The following RIN3 variants were observed in gnomAD, a reference collection of about 807,000 sequenced individuals.
The protein encoded by RIN3 is Ras and Rab interactor 3.
In RIN3, 54 loss-of-function variants were observed where a neutral mutation model predicts 76.3. That is an observed-to-expected ratio of 0.71 (90% CI 0.57 to 0.89). The LOEUF (loss-of-function observed/expected upper bound fraction) is 0.89, where lower values mean the gene tolerates loss of function less well. Ranked by LOEUF, RIN3 falls within the 40% of genes least tolerant of loss-of-function variation. The probability of loss-of-function intolerance (pLI) is 0.00; values close to 1 mark genes in which losing one functional copy is unlikely to be tolerated. For missense variants in RIN3, 1,256 were observed against 1,322.1 expected (o/e 0.95, Z 0.78); for synonymous variants, 576 against 564.0 (o/e 1.02, Z -0.30).
At chr14:92,598,043 G>C (rs149572460) in intron 3 of RIN3, among the ~76,000 whole-genome samples, 6 of 152,182 alleles carry the variant, frequency 3.9e-5, no homozygotes, top group African/African-American at 1.2e-4. Flanking sequence ...TTGGATCTGG[G>C]CTAGCCTGTT....
intron 1 of RIN3, among the ~76,000 whole-genome samples, chr14:92,539,187 G>A (rs866302241): frequency 2.0e-5 from 3 of 152,126 alleles, no homozygotes; most frequent in Non-Finnish European, 4.4e-5. Context: ...CTTGGGGTGG[G>A]GGGGATGTCA....
At position 92,608,270 on chromosome 14, in the gene RIN3, AACTGGGTGAAGGGTAC is replaced by A. The variant is rs140511293; in HGVS notation, c.368-7134_368-7119del. 3.5e-3 allele frequency among the ~76,000 whole-genome samples: 538 copies of A among 152,156 alleles called. 14 individuals carry two copies. In the South Asian group the frequency reaches 0.051, roughly 15 times the overall value. ...TATGACCGATGTTACCACTGGGGGG[AACTGGGTGAAGGGTAC>A]ACAGGACTTCCCTATTCATTTATTT... On this transcript the variant is annotated intron_variant, in intron 3 of 9. Transcript: ENST00000216487.
rs936058444 is a variant in RIN3 at position 92,681,432 on chromosome 14, G to A, written c.2468-3555G>A. 2.6e-5 allele frequency among the ~76,000 whole-genome samples: 4 copies of A among 152,190 alleles called. No homozygotes were observed. The highest frequency in any genetic ancestry group is 2.1e-4 in the South Asian group (1 of 4,828). ...CCCTGAGGCCTCATAGCCACCATGC[G>A]TTATTCACACATTCCGAAGCCCTGT... On this transcript the variant is annotated intron_variant, in intron 8 of 9. Coordinates refer to ENST00000216487, the MANE Select transcript of RIN3 (RefSeq NM_024832.5). This position sits in a 1 kb window ranked among gnomAD's most constrained non-coding sequence, Gnocchi z 4.7.
intron 1 of RIN3, among the ~76,000 whole-genome samples, chr14:92,520,034 A>C (rs1030235448): frequency 3.3e-5 from 5 of 152,232 alleles, no homozygotes; most frequent in African/African-American, 1.2e-4. Context: ...CCAAAGCAGA[A>C]ACAGTGCTGA....
intron 3 of RIN3, among the ~76,000 whole-genome samples, chr14:92,597,860 G>T (rs1017296875): frequency 5.9e-5 from 9 of 152,282 alleles, no homozygotes; most frequent in African/African-American, 1.7e-4. Context: ...ACTTTGCTGG[G>T]TGCTCAGGCC....
At chr14:92,641,650 A>G (rs896829236) in intron 5 of RIN3, among the ~76,000 whole-genome samples, 2 of 152,168 alleles carry the variant, frequency 1.3e-5, no homozygotes, top group African/African-American at 2.4e-5. Flanking sequence ...AGTGGGAGCC[A>G]GAGAGCTGGG....
intron 4 of RIN3, among the ~76,000 whole-genome samples, chr14:92,628,292 T>G (rs1886430298): frequency 6.6e-6 from 1 of 151,980 alleles, no homozygotes; most frequent in African/African-American, 2.4e-5. Context: ...CAGTAGAGAG[T>G]AAACTCCAGA....
chr14:92,619,721 C>T (rs1404202813), intron 4 of RIN3, among the ~76,000 whole-genome samples: 3 of 152,096 alleles, frequency 2.0e-5, no homozygotes, highest in African/African-American at 7.2e-5. Flanking sequence ...CCACCACGCC[C>T]GGCCTCTAGT....
chr14:92,644,911 A>G (rs1887144994), intron 5 of RIN3: 1 of 152,260 alleles, frequency 6.6e-6, no homozygotes, highest in South Asian at 2.1e-4. Context: ...TGTGCCTGGC[A>G]TGTCACACAT....
rs553956291 is a variant in RIN3 at position 92,517,677 on chromosome 14, C to T, written c.44+3701C>T. 3.0e-3 allele frequency among the ~76,000 whole-genome samples: 462 copies of T among 152,290 alleles called. 6 individuals are homozygous for T. The highest frequency in any genetic ancestry group is 4.9e-3 in the Non-Finnish European group (334 of 68,018). On this transcript the variant is annotated intron_variant, in intron 1 of 9. Transcript: ENST00000216487. Reference sequence around the variant, plus strand: ...CCGAACCAGCATTTATTCTGAGAACCAGGAAGTCGAATTTCTCCTGCCCAC... The same window carrying T: ...CCGAACCAGCATTTATTCTGAGAACTAGGAAGTCGAATTTCTCCTGCCCAC...
At chr14:92,642,850 G>A (rs572861425) in intron 5 of RIN3, among the ~76,000 whole-genome samples, 10 of 152,286 alleles carry the variant, frequency 6.6e-5, no homozygotes, top group South Asian at 2.1e-4. Context: ...CACTGACTGC[G>A]TTCTAACCTC....
At chr14:92,552,528 C>T (rs1263314922) in intron 1 of RIN3, among the ~76,000 whole-genome samples, 1 of 152,066 alleles carries the variant, frequency 6.6e-6, no homozygotes, top group African/African-American at 2.4e-5. Context: ...CTCATGGGGC[C>T]CTCCCCCTAC....
intron 3 of RIN3, among the ~76,000 whole-genome samples, chr14:92,582,831 A>G (rs536616977): frequency 9.9e-5 from 15 of 152,254 alleles, no homozygotes; most frequent in African/African-American, 3.1e-4. Context: ...CCCAGACAAC[A>G]TTAAGAAAGC....
intron 4 of RIN3, chr14:92,616,161 G>C (rs1190719655): frequency 6.6e-6 from 1 of 152,158 alleles, no homozygotes; most frequent in Non-Finnish European, 1.5e-5. Flanking sequence ...GGAAAAATGA[G>C]GCTGATAATG....
intron 7 of RIN3, among the ~76,000 whole-genome samples, chr14:92,667,253 C>A (rs1440536302): frequency 2.0e-5 from 3 of 152,142 alleles, no homozygotes; most frequent in African/African-American, 4.8e-5. Flanking sequence ...TGGCTCACGC[C>A]TGTAATCCCA....
chr14:92,596,515 A>G (rs1160208094), intron 3 of RIN3, among the ~76,000 whole-genome samples: 4 of 152,178 alleles, frequency 2.6e-5, no homozygotes, highest in African/African-American at 9.7e-5. Context: ...TCCTTATCCA[A>G]ATGACTCTCC....
intron 5 of RIN3, among the ~76,000 whole-genome samples, chr14:92,646,090 A>G (rs1303481221): frequency 2.0e-5 from 3 of 152,158 alleles, no homozygotes; most frequent in Non-Finnish European, 4.4e-5. Flanking sequence ...TATTATCCAG[A>G]GAGAGAAAGA....
In RIN3 at chr14:92,688,187, G is replaced by C. The variant is rs1387919290; in HGVS notation, c.2893G>C (p.Gly965Arg). 2.6e-6 allele frequency: 4 copies of C among 1,535,342 alleles called. No homozygotes were observed. The highest frequency in any genetic ancestry group is 1.8e-5 in the Admixed American group (1 of 54,134). ...CCACTTTGTCTACCGGCCCCTGGAC[G>C]GTGGTGGCGGCGGCGGCGGCGGGAG... ...DFHFVYRPLDGGGGGGGGSPP... is the reference protein window; with the variant it reads ...DFHFVYRPLDRGGGGGGGSPP... Residue 965 changes from glycine (G) to arginine (R), a missense_variant, in exon 10 of 10, where the codon GGT becomes CGT. Physicochemically the swap from Gly to Arg is moderately radical, Grantham distance 125 (BLOSUM62 -2). This residue lies in a region of RIN3 where 218 missense variants were observed against 174.5 expected (regional missense o/e 1.25). Coordinates refer to ENST00000216487, the MANE Select transcript of RIN3 (RefSeq NM_024832.5).
intron 1 of RIN3, among the ~76,000 whole-genome samples, chr14:92,548,116 GA>G (rs1295763198): frequency 2.0e-5 from 3 of 152,176 alleles, no homozygotes; most frequent in Non-Finnish European, 2.9e-5. Context: ...TAGCCTTCTG[GA>G]AATTATTTCT....
Sources: allele counts gnomAD v4.1 joint callset (sites outside exome capture counted in the v4.1 genomes callset), GRCh38; gene constraint gnomAD v4.1.1; regional missense constraint gnomAD v4.1.1; non-coding constraint Gnocchi (gnomAD v3.1); transcripts MANE v1.5; gene names NCBI Gene and HGNC (gene_info 2026-07-23, HGNC 2026-07-21).